CCDC73: variants seen among roughly 807,000 people sequenced by gnomAD.
CCDC73 encodes the protein coiled-coil domain containing 73.
In CCDC73, 95 loss-of-function variants were observed where a neutral mutation model predicts 116.5. The ratio of observed to expected loss-of-function variants is 0.82; its 90% CI spans 0.69 to 0.97. The LOEUF (loss-of-function observed/expected upper bound fraction) is 0.97, where lower values mean the gene tolerates loss of function less well. CCDC73 is among the 50% of genes least tolerant of loss of function. The pLI is 0.00. For missense variants in CCDC73, 1,066 were observed against 1,206.8 expected (o/e 0.88, Z 1.73); for synonymous variants, 398 against 401.3 (o/e 0.99, Z 0.10).
intron 10 of CCDC73, among the ~76,000 whole-genome samples, chr11:32,654,555 C>A (rs1337904455): frequency 6.6e-6 from 1 of 152,194 alleles, no homozygotes; most frequent in African/African-American, 2.4e-5. Flanking sequence ...AAGCTTGGTG[C>A]AAACTTGTAA....
chr11:32,700,922 T>C (rs1849805809), intron 4 of CCDC73, 96 bp from the exon 5 acceptor site: 2 of 468,276 alleles, frequency 4.3e-6, no homozygotes, highest in Non-Finnish European at 3.9e-6. Context: ...CACATCTATA[T>C]TGTTTGAAAT....
At chr11:32,825,887 G>A in the CCDC73 span, among the ~76,000 whole-genome samples, 3 of 152,146 alleles carry the variant, frequency 2.0e-5, no homozygotes, top group Non-Finnish European at 4.4e-5. Flanking sequence ...TCTGTGGCCA[G>A]CCATGACACA....
chr11:32,675,530 T>A, intron 9 of CCDC73, 35 bp downstream of exon 9: 1 of 1,301,242 alleles, frequency 7.7e-7, no homozygotes, highest in East Asian at 2.4e-5. Context: ...ATATTATAAT[T>A]TTTACTTAGT....
At chr11:32,625,349 T>C (rs1855560968) in intron 14 of CCDC73, among the ~76,000 whole-genome samples, 1 of 152,208 alleles carries the variant, frequency 6.6e-6, no homozygotes, top group Non-Finnish European at 1.5e-5. Context: ...TTTTGCTCGT[T>C]AGTTGATGCC....
intron 6 of CCDC73, among the ~76,000 whole-genome samples, chr11:32,687,030 T>A (rs1856208104): frequency 2.0e-5 from 3 of 152,204 alleles, no homozygotes; most frequent in South Asian, 2.1e-4. Flanking sequence ...AAAAGCTGAC[T>A]GAAAAGCACA....
chr11:32,645,491 A>G (rs1278034493), intron 12 of CCDC73, among the ~76,000 whole-genome samples: 1 of 151,742 alleles, frequency 6.6e-6, no homozygotes, highest in Non-Finnish European at 1.5e-5. Context: ...GGGTTTCACC[A>G]TGTTGGTCAA....
intron 3 of CCDC73, among the ~76,000 whole-genome samples, chr11:32,715,084 T>C (rs893176085): frequency 1.9e-4 from 29 of 152,310 alleles, no homozygotes; most frequent in African/African-American, 6.5e-4. Flanking sequence ...AAGATTGCAA[T>C]GCTTTTATTT....
chr11:32,732,749 A>G (rs2133347128), intron 2 of CCDC73, among the ~76,000 whole-genome samples: 1 of 152,342 alleles, frequency 6.6e-6, no homozygotes, highest in East Asian at 1.9e-4. Flanking sequence ...GGCCTGCCTT[A>G]CAAGAGCTCC....
intron 9 of CCDC73, among the ~76,000 whole-genome samples, chr11:32,672,502 T>C (rs946686797): frequency 6.6e-6 from 1 of 152,200 alleles, no homozygotes; most frequent in African/African-American, 2.4e-5. Context: ...TTAATATGAA[T>C]GTTATTTAAT....
intron 2 of CCDC73, among the ~76,000 whole-genome samples, chr11:32,755,620 T>C (rs1850329789): frequency 8.8e-6 from 1 of 113,438 alleles, no homozygotes; most frequent in Non-Finnish European, 1.8e-5. Context: ...TGTGTGTGTA[T>C]ATATATATCT....
chr11:32,626,846 T>C lies in CCDC73; in HGVS notation c.1185+8850A>G, dbSNP rs187686516. On this transcript the variant is annotated intron_variant, in intron 14 of 17. Transcript: ENST00000335185. The stretch of plus-strand genomic sequence containing the variant: ...ATTCAAGCTGGATTAAAGACTTACA[T>C]GTTAGACCTAAAACCATAAAAACTC... Among the ~76,000 whole-genome samples, 444 of 152,324 alleles carry C rather than the reference T, an allele frequency of 2.9e-3. 1 individual carries two copies. The highest frequency in any genetic ancestry group is 9.9e-3 in the African/African-American group (413 of 41,556).
At chr11:32,777,710 AG>A (rs1850549886) in intron 1 of CCDC73, among the ~76,000 whole-genome samples, 1 of 152,152 alleles carries the variant, frequency 6.6e-6, no homozygotes, top group Admixed American at 6.5e-5. Context: ...TTTATAAGAA[AG>A]GTATATTTCT....
At chr11:32,623,050 C>G (rs1855537334) in intron 14 of CCDC73, among the ~76,000 whole-genome samples, 1 of 151,480 alleles carries the variant, frequency 6.6e-6, no homozygotes, top group Non-Finnish European at 1.5e-5. Flanking sequence ...GCTCTTTCAC[C>G]CAGGCTGGAG....
At chr11:32,624,673 G>C (rs1855554030) in intron 14 of CCDC73, among the ~76,000 whole-genome samples, 1 of 152,142 alleles carries the variant, frequency 6.6e-6, no homozygotes, top group Non-Finnish European at 1.5e-5. Context: ...TCCATTACTA[G>C]GTATATACCC....
intron 2 of CCDC73, chr11:32,758,536 C>A: frequency 2.2e-6 from 1 of 454,070 alleles, no homozygotes; most frequent in South Asian, 1.7e-5. Flanking sequence ...ATGACAGGAT[C>A]AAACATGCTT....
At chr11:32,691,873 C>G (rs1351068319) in intron 6 of CCDC73, among the ~76,000 whole-genome samples, 3 of 151,734 alleles carry the variant, frequency 2.0e-5, no homozygotes, top group Non-Finnish European at 4.4e-5. Context: ...ATGGTGAAAC[C>G]CTGTCTCTAC....
At position 32,653,239 on chromosome 11, in the gene CCDC73, C is replaced by A. The variant is rs1157366317; in HGVS notation, c.835-12G>T. The A allele has an allele frequency of 6.5e-7, 1 of 1,526,788 alleles. No homozygotes were observed. The highest frequency in any genetic ancestry group is 1.7e-5 in the Admixed American group (1 of 57,990). 94.6% of individuals were successfully genotyped at this position (1,526,788 alleles called of 1,614,324 possible). A position where few individuals can be genotyped will look rare whatever the true frequency, so the allele number is the denominator to read the frequency against. On this transcript the variant is annotated splice_polypyrimidine_tract_variant and intron_variant, in intron 11 of 17. Coordinates refer to ENST00000335185, the MANE Select transcript of CCDC73 (RefSeq NM_001008391.4). ...GAAATGATGATATCCTTTGAAAATACACAAATATATCAATTTAAAAGTTTT... is the reference window on the plus strand; with the variant it reads ...GAAATGATGATATCCTTTGAAAATAAACAAATATATCAATTTAAAAGTTTT...
chr11:32,785,770 A>T (rs1229521778), intron 1 of CCDC73, among the ~76,000 whole-genome samples: 2 of 152,186 alleles, frequency 1.3e-5, no homozygotes, highest in Non-Finnish European at 2.9e-5. Context: ...TGAAAAAGAA[A>T]TATGCATTTT....
chr11:32,622,691 A>T (rs114620023), intron 14 of CCDC73, among the ~76,000 whole-genome samples: 3,717 of 135,994 alleles, frequency 0.027, 163 homozygotes, highest in African/African-American at 0.091. Flanking sequence ...AAAAAAAGAA[A>T]GAATGAACCT....
Sources: allele counts gnomAD v4.1 joint callset (sites outside exome capture counted in the v4.1 genomes callset), GRCh38; gene constraint gnomAD v4.1.1; transcripts MANE v1.5; gene names NCBI Gene and HGNC (gene_info 2026-07-23, HGNC 2026-07-21).